Variants in RNF217 observed in about 807,000 individuals in gnomAD.
The protein encoded by RNF217 is ring finger protein 217.
A neutral mutation model predicts 57.8 loss-of-function variants in RNF217; 31 were observed. The ratio of observed to expected loss-of-function variants is 0.54; its 90% CI spans 0.40 to 0.72. The LOEUF is 0.72. RNF217 is among the 30% of genes least tolerant of loss of function. The pLI is 0.00. For missense variants in RNF217, 696 were observed against 708.3 expected (o/e 0.98, Z 0.20); for synonymous variants, 313 against 294.0 (o/e 1.06, Z -0.66).
chr6:125,031,310 T>C (rs1024399073), intron 1 of RNF217, among the ~76,000 whole-genome samples: 6 of 152,256 alleles, frequency 3.9e-5, no homozygotes, highest in Non-Finnish European at 8.8e-5. Flanking sequence ...ATTAGGCTTC[T>C]TGCTGTGTAT....
intron 1 of RNF217, among the ~76,000 whole-genome samples, chr6:125,024,481 G>T (rs770901708): frequency 6.6e-6 from 1 of 152,030 alleles, no homozygotes; most frequent in Non-Finnish European, 1.5e-5. Context: ...ACTTTGGGAG[G>T]CTGAGGCAGG....
In RNF217 at chr6:125,044,531, T is replaced by A. The variant is rs138246230; in HGVS notation, c.883-680T>A. Among the ~76,000 whole-genome samples the A allele has an allele frequency of 2.0e-5, 3 of 152,238 alleles. No homozygotes were observed. In the East Asian group the frequency reaches 5.8e-4, roughly 29 times the overall value. ...TAGCTTCGTAGTCCTTTGAATACATTAATTTTGTAAATTACCGCAGTAGCA... is the reference window on the plus strand; with the variant it reads ...TAGCTTCGTAGTCCTTTGAATACATAAATTTTGTAAATTACCGCAGTAGCA... On this transcript the variant is annotated intron_variant, in intron 1 of 5. Coordinates refer to ENST00000521654, the MANE Select transcript of RNF217 (RefSeq NM_001286398.3).
intron 1 of RNF217, among the ~76,000 whole-genome samples, chr6:124,980,067 G>A (rs1262750453): frequency 2.6e-5 from 4 of 152,162 alleles, no homozygotes; most frequent in South Asian, 2.1e-4. Context: ...TTCAAGCAAC[G>A]TAGGATTAGC....
At chr6:125,067,955 G>A (rs985261763) in intron 3 of RNF217, among the ~76,000 whole-genome samples, 3 of 152,114 alleles carry the variant, frequency 2.0e-5, no homozygotes, top group Non-Finnish European at 4.4e-5. Context: ...GTGTATCAAA[G>A]GTCAGTAAGG....
At chr6:125,045,823 A>G (rs544732917) in intron 2 of RNF217, among the ~76,000 whole-genome samples, 1 of 151,902 alleles carries the variant, frequency 6.6e-6, no homozygotes, top group Admixed American at 6.6e-5. Flanking sequence ...TTCTGTCTAT[A>G]ATAGGTAAAA....
chr6:125,054,220 A>C (rs1167840409), intron 2 of RNF217, among the ~76,000 whole-genome samples: 2 of 152,150 alleles, frequency 1.3e-5, no homozygotes, highest in Non-Finnish European at 2.9e-5. Context: ...TGAAGAAAGG[A>C]GCATTTGATC....
In RNF217 at chr6:124,962,621, G is replaced by C; in HGVS notation, c.77G>C (p.Gly26Ala). 8.4e-6 allele frequency: 11 copies of C among 1,314,782 alleles called. No individual in the cohort carries two copies. Among genetic ancestry groups the C allele is most frequent in the Non-Finnish European group, 1.1e-5 (11 of 1,041,844 alleles). The allele number at this position is 1,314,782 out of a possible 1,614,324, so 81.4% of individuals were successfully genotyped here. A position where few individuals can be genotyped will look rare whatever the true frequency, so the allele number is the denominator to read the frequency against. ...ESQTLASGTA[G>A]HPEPPRPQGD... ...CAGACCCTGGCCAGTGGCACTGCGG[G>C]CCACCCTGAGCCCCCGAGGCCTCAG... Residue 26 changes from glycine (G) to alanine (A), a missense_variant, in exon 1 of 6, where the codon GGC (glycine) becomes GCC (alanine). Coordinates refer to ENST00000521654, the MANE Select transcript of RNF217 (RefSeq NM_001286398.3). The surrounding 1 kb of genome is among the most constrained non-coding windows in gnomAD (Gnocchi z 4.6).
intron 3 of RNF217, among the ~76,000 whole-genome samples, chr6:125,068,244 T>C (rs972527960): frequency 4.0e-5 from 6 of 151,850 alleles, no homozygotes; most frequent in Non-Finnish European, 7.4e-5. Flanking sequence ...AAATGTAGAG[T>C]GAGGAATGCT....
intron 1 of RNF217, among the ~76,000 whole-genome samples, chr6:124,984,541 C>CAA (rs750251821): frequency 4.9e-4 from 36 of 74,208 alleles, no homozygotes; most frequent in Admixed American, 1.2e-3. Flanking sequence ...GACCCTTTCT[C>CAA]AAAAAAAAAA....
intron 1 of RNF217, among the ~76,000 whole-genome samples, chr6:124,988,445 T>G (rs1784435255): frequency 6.6e-6 from 1 of 152,226 alleles, no homozygotes; most frequent in Non-Finnish European, 1.5e-5. Context: ...ACAGAATGAT[T>G]GTTAAATCCA....
intron 1 of RNF217, among the ~76,000 whole-genome samples, chr6:124,982,178 C>T (rs1283976936): frequency 6.6e-6 from 1 of 152,074 alleles, no homozygotes; most frequent in Non-Finnish European, 1.5e-5. Context: ...GATGTACTTT[C>T]CAACTTGACT....
chr6:124,984,664 T>C (rs1784310402), intron 1 of RNF217, among the ~76,000 whole-genome samples: 2 of 151,950 alleles, frequency 1.3e-5, no homozygotes, highest in South Asian at 2.1e-4. Context: ...TCTCATCATA[T>C]GGAGAAATGA....
At chr6:125,000,484 A>G (rs117176495) in intron 1 of RNF217, among the ~76,000 whole-genome samples, 3,101 of 152,084 alleles carry the variant, frequency 0.02, 39 homozygotes, top group Middle Eastern at 0.048. Context: ...CCATTTTTAT[A>G]TGATATAATA....
At chr6:125,016,022 G>C (rs1785589700) in intron 1 of RNF217, among the ~76,000 whole-genome samples, 1 of 152,062 alleles carries the variant, frequency 6.6e-6, no homozygotes, top group South Asian at 2.1e-4. Context: ...TGGATTCACT[G>C]GTACATAAAA....
intron 2 of RNF217, among the ~76,000 whole-genome samples, chr6:125,056,713 G>A (rs1045601394): frequency 2.0e-5 from 3 of 152,172 alleles, no homozygotes; most frequent in Admixed American, 2.0e-4. Context: ...ACGTGACATA[G>A]AGGAGCAAAG....
At chr6:125,028,038 G>C (rs1054298686) in intron 1 of RNF217, among the ~76,000 whole-genome samples, 1 of 152,068 alleles carries the variant, frequency 6.6e-6, no homozygotes, top group Non-Finnish European at 1.5e-5. Context: ...TTTCTTATCA[G>C]AGGAGTAGTT....
intron 1 of RNF217, among the ~76,000 whole-genome samples, chr6:124,979,969 G>T (rs935009213): frequency 1.3e-5 from 2 of 152,134 alleles, no homozygotes; most frequent in Non-Finnish European, 1.5e-5. Context: ...GAAGTGCATT[G>T]TCTTTAGTAT....
At position 124,995,926 on chromosome 6, in the gene RNF217, A is replaced by G. The variant is rs533746025; in HGVS notation, c.882+32500A>G. Among the ~76,000 whole-genome samples, 26 of 152,280 alleles carry G rather than the reference A, an allele frequency of 1.7e-4. 1 individual carries two copies. The East Asian group carries it at 4.6e-3, about 27-fold the overall frequency. ...GATGAGCAAGACTCTTGTCTCAAAA[A>G]AGAAAAAGAATCAAGAAAAGAAAAA... On this transcript the variant is annotated intron_variant, in intron 1 of 5. Transcript: ENST00000521654.
chr6:125,012,932 T>A (rs915624875), intron 1 of RNF217, among the ~76,000 whole-genome samples: 9 of 152,180 alleles, frequency 5.9e-5, no homozygotes, highest in African/African-American at 2.2e-4. Flanking sequence ...AAAATATCTT[T>A]GAACAACCCA....
Sources: allele counts gnomAD v4.1 joint callset (sites outside exome capture counted in the v4.1 genomes callset), GRCh38; gene constraint gnomAD v4.1.1; non-coding constraint Gnocchi (gnomAD v3.1); transcripts MANE v1.5; gene names NCBI Gene and HGNC (gene_info 2026-07-23, HGNC 2026-07-21).